ANXA4: variants seen among roughly 807,000 people sequenced by gnomAD.
The protein encoded by ANXA4 is 35-beta calcimedin.
In ANXA4, 39 loss-of-function variants were observed where a neutral mutation model predicts 49.8. That is an observed-to-expected ratio of 0.78 (90% CI 0.61 to 1.02). The LOEUF (loss-of-function observed/expected upper bound fraction) is 1.02, where lower values mean the gene tolerates loss of function less well. Ranked by LOEUF, ANXA4 falls within the 50% of genes least tolerant of loss-of-function variation. The probability of loss-of-function intolerance (pLI) is 0.00; values close to 1 mark genes in which losing one functional copy is unlikely to be tolerated. For synonymous variants in ANXA4, 134 were observed against 152.5 expected (o/e 0.88, Z 0.89); for missense variants, 360 against 410.1 (o/e 0.88, Z 1.05).
At chr2:69,787,001 TG>T (rs1231081420) in intron 2 of ANXA4, among the ~76,000 whole-genome samples, 2 of 152,162 alleles carry the variant, frequency 1.3e-5, no homozygotes, top group Non-Finnish European at 2.9e-5. Flanking sequence ...CTGGGATTAC[TG>T]GGGTGAGCCA....
chr2:69,788,173 C>T (rs758668218), intron 3 of ANXA4, 32 bp downstream of exon 3: 66 of 1,577,560 alleles, frequency 4.2e-5, no homozygotes, highest in Middle Eastern at 1.7e-4. Context: ...AATCCTCCTG[C>T]GTGCATTGCA....
chr2:69,670,819 G>A (rs565937789), intron 2 of ANXA4, among the ~76,000 whole-genome samples: 2 of 152,086 alleles, frequency 1.3e-5, no homozygotes, highest in African/African-American at 4.8e-5. Context: ...GAGCTAAGGA[G>A]TTTGAGACCA....
chr2:69,768,268 T>C (rs1671573876), intron 1 of ANXA4, among the ~76,000 whole-genome samples: 1 of 152,202 alleles, frequency 6.6e-6, no homozygotes, highest in African/African-American at 2.4e-5. Flanking sequence ...TAACTACTTA[T>C]TTTAAAATAA....
chr2:69,746,981 G>T (rs1670639226), intron 1 of ANXA4, among the ~76,000 whole-genome samples: 1 of 152,060 alleles, frequency 6.6e-6, no homozygotes, highest in African/African-American at 2.4e-5. Flanking sequence ...CTGAGTGACA[G>T]CAAGACTCTG....
At chr2:69,686,839 T>C (rs78804599) in intron 2 of ANXA4, among the ~76,000 whole-genome samples, 71 of 152,346 alleles carry the variant, frequency 4.7e-4, no homozygotes, top group African/African-American at 1.6e-3. Flanking sequence ...TGCAAGTTTG[T>C]GCACATGGGC....
At chr2:69,662,990 T>TCC (rs1207411102) in intron 2 of ANXA4, among the ~76,000 whole-genome samples, 6 of 135,064 alleles carry the variant, frequency 4.4e-5, no homozygotes, top group East Asian at 5.4e-4. Flanking sequence ...GTTTTTCTTT[T>TCC]TCTTTTTTTT....
intron 9 of ANXA4, 149 bp downstream of exon 9, chr2:69,816,343 T>A: frequency 1.6e-6 from 1 of 626,710 alleles, no homozygotes; most frequent in Non-Finnish European, 2.8e-6. Flanking sequence ...GGAAATGTAT[T>A]AGTCCAATGA....
At chr2:69,657,150 A>G (rs1301440799) in intron 2 of ANXA4, among the ~76,000 whole-genome samples, 3 of 151,894 alleles carry the variant, frequency 2.0e-5, no homozygotes, top group African/African-American at 4.8e-5. Context: ...ACCCGCCACC[A>G]TGCCCAGCTA....
At chr2:69,724,810 G>C (rs1461245567) in intron 3 of ANXA4, among the ~76,000 whole-genome samples, 1 of 152,254 alleles carries the variant, frequency 6.6e-6, no homozygotes, top group African/African-American at 2.4e-5. Flanking sequence ...TCGCCCTGTG[G>C]TTGCTTCTTC....
chr2:69,723,002 C>T (rs1346759255), intron 3 of ANXA4, among the ~76,000 whole-genome samples: 1 of 140,080 alleles, frequency 7.1e-6, no homozygotes, highest in African/African-American at 2.7e-5. Context: ...GAAACTCCAT[C>T]TCTACTAAAA....
chr2:69,702,201 A>G (rs1678351727), intron 2 of ANXA4, among the ~76,000 whole-genome samples: 1 of 151,550 alleles, frequency 6.6e-6, no homozygotes, highest in African/African-American at 2.4e-5. Flanking sequence ...TTTAGTAGAG[A>G]TAGGTTTTGC....
At chr2:69,654,750 G>A (rs573931332) in intron 2 of ANXA4, among the ~76,000 whole-genome samples, 5 of 152,240 alleles carry the variant, frequency 3.3e-5, no homozygotes, top group African/African-American at 1.2e-4. Flanking sequence ...CAAAGCTGGA[G>A]GCATCGCACT....
intron 1 of ANXA4, 32 bp from the exon 2 acceptor site, chr2:69,781,488 T>A: frequency 6.5e-7 from 1 of 1,545,268 alleles, no homozygotes; most frequent in Non-Finnish European, 8.9e-7. Context: ...ATTTCCTTCA[T>A]CACAGTAATT....
upstream of ANXA4, among the ~76,000 whole-genome samples, chr2:69,737,601 A>G (rs1410784623): frequency 2.6e-5 from 4 of 151,808 alleles, no homozygotes; most frequent in African/African-American, 9.7e-5. Flanking sequence ...TAGGGTATTT[A>G]TTTATTTACT....
chr2:69,766,751 G>A (rs1482170349), intron 1 of ANXA4, among the ~76,000 whole-genome samples: 1 of 152,102 alleles, frequency 6.6e-6, no homozygotes, highest in Non-Finnish European at 1.5e-5. Context: ...TCCAGACCTT[G>A]GGTCAGCTGA....
intron 2 of ANXA4, among the ~76,000 whole-genome samples, chr2:69,682,052 A>G (rs1677618179): frequency 6.6e-6 from 1 of 151,936 alleles, no homozygotes; most frequent in Admixed American, 6.6e-5. Context: ...TTGCCTAAGT[A>G]TGTTGCCTAA....
intron 3 of ANXA4, among the ~76,000 whole-genome samples, chr2:69,795,759 G>C (rs1290675791): frequency 6.6e-6 from 1 of 152,200 alleles, no homozygotes; most frequent in Non-Finnish European, 1.5e-5. Context: ...GGGGCCATGA[G>C]GATGCTGGCC....
At chr2:69,648,606 T>C (rs1321196298) in intron 1 of ANXA4, among the ~76,000 whole-genome samples, 1 of 152,086 alleles carries the variant, frequency 6.6e-6, no homozygotes, top group Non-Finnish European at 1.5e-5. Context: ...GGTGGATCAC[T>C]TGAGGTCAGG....
intron 1 of ANXA4, among the ~76,000 whole-genome samples, chr2:69,757,817 G>A (rs1001504015): frequency 2.0e-5 from 3 of 151,670 alleles, no homozygotes; most frequent in African/African-American, 4.8e-5. Context: ...AAATTAGCTG[G>A]GCATAGTGGT....
Sources: gnomAD v4.1 joint callset for allele counts (sites outside exome capture counted in the v4.1 genomes callset) on GRCh38, gnomAD v4.1.1 for gene constraint, MANE v1.5 for transcripts, NCBI Gene and HGNC (gene_info 2026-07-23, HGNC 2026-07-21) for gene names.